Variants in LYN observed in about 807,000 individuals in gnomAD.
The protein encoded by LYN is tyrosine-protein kinase Lyn.
Under a neutral mutation model 65.0 loss-of-function variants are expected in LYN, and 12 were observed. The ratio of observed to expected loss-of-function variants is 0.18; its 90% CI spans 0.12 to 0.30. The LOEUF is 0.30. Ranked by LOEUF, LYN falls within the 10% of genes least tolerant of loss-of-function variation. The probability of loss-of-function intolerance (pLI) is 1.00; values close to 1 mark genes in which losing one functional copy is unlikely to be tolerated. For missense variants in LYN, 380 were observed against 623.2 expected, an observed-to-expected ratio of 0.61 and a Z score of 4.16; for synonymous variants, 222 against 221.2, an observed-to-expected ratio of 1.00 and a Z score of -0.03.
Position 55,904,884 on chromosome 8 carries a change from G to T in LYN, c.-6+24781G>T, listed in dbSNP as rs557867264. 3.9e-5 allele frequency among the ~76,000 whole-genome samples: 6 copies of T among 152,304 alleles called. No individual in the cohort carries two copies. In the East Asian group the frequency reaches 1.2e-3, roughly 29 times the overall value. ...TTACCCTTTTTCAAAAGCAGGTAAG[G>T]TTGTAGTGTAGAGTGTGGCTAGTGA... On this transcript the variant is annotated intron_variant, in intron 1 of 12. Transcript: ENST00000519728.
chr8:56,009,864 TA>T (rs2130604206), intron 12 of LYN, 43 bp from the exon 13 acceptor site: 1 of 1,557,788 alleles, frequency 6.4e-7, no homozygotes. Context: ...GCCAGGTTTC[TA>T]AACGGCATGG....
chr8:55,910,198 G>A (rs1282891563), intron 1 of LYN, among the ~76,000 whole-genome samples: 3 of 152,092 alleles, frequency 2.0e-5, no homozygotes, highest in Non-Finnish European at 4.4e-5. Flanking sequence ...TGCTTTTGAG[G>A]TCTTAGTCAT....
intron 10 of LYN, among the ~76,000 whole-genome samples, chr8:55,978,272 T>C (rs1807812334): frequency 6.6e-6 from 1 of 152,058 alleles, no homozygotes; most frequent in Admixed American, 6.5e-5. Flanking sequence ...CAAAAATGAT[T>C]AGAAGGGGTG....
chr8:56,008,130 AAAAT>A (rs1563332693), intron 12 of LYN, among the ~76,000 whole-genome samples: 3 of 133,694 alleles, frequency 2.2e-5, no homozygotes, highest in Non-Finnish European at 3.3e-5. Flanking sequence ...AAAAAAAAAT[AAAAT>A]AAAATAAAAT....
chr8:55,921,968 AGCTTACAGTAACAGAG>A (rs1025295602), intron 1 of LYN, among the ~76,000 whole-genome samples: 1 of 152,206 alleles, frequency 6.6e-6, no homozygotes, highest in South Asian at 2.1e-4. Flanking sequence ...GCTCTCATGG[AGCTTACAGTAACAGAG>A]GAGCGATGGA....
At chr8:55,966,568 GT>G (rs1208940493) in intron 8 of LYN, 146 bp from the exon 9 acceptor site, 4 of 604,984 alleles carry the variant, frequency 6.6e-6, no homozygotes, top group African/African-American at 1.9e-5. Context: ...GGGTTTCACT[GT>G]TTTAGCCAGG....
Position 55,882,232 on chromosome 8 carries a change from A to C in LYN, c.-6+2129A>C, listed in dbSNP as rs112045629. ...CAATCCAGAAGACCTACATTATTTT[A>C]GAGTCATTGGTGTTACAAAGGTAGG... On this transcript the variant is annotated intron_variant, in intron 1 of 12. Coordinates refer to ENST00000519728, the MANE Select transcript of LYN (RefSeq NM_002350.4). 5.0e-3 allele frequency among the ~76,000 whole-genome samples: 760 copies of C among 152,312 alleles called. 6 individuals carry two copies. Among genetic ancestry groups the C allele is most frequent in the African/African-American group, 0.017 (709 of 41,570 alleles).
intron 12 of LYN, among the ~76,000 whole-genome samples, chr8:56,003,864 C>T (rs534591421): frequency 6.8e-6 from 1 of 146,902 alleles, no homozygotes; most frequent in Non-Finnish European, 1.5e-5. Flanking sequence ...TATTAATTTT[C>T]TTCTTGATGA....
chr8:55,988,330 T>G (rs867850668), intron 10 of LYN, among the ~76,000 whole-genome samples: 1 of 94,734 alleles, frequency 1.1e-5, no homozygotes, highest in Non-Finnish European at 2.2e-5. Context: ...GTGTGTGTGT[T>G]TACATCCTAT....
In LYN at chr8:55,938,711, TATAAAA is replaced by T. The variant is rs1208549920; in HGVS notation, c.-5-3139_-5-3134del. 2.0e-5 allele frequency among the ~76,000 whole-genome samples: 3 copies of T among 152,226 alleles called. No homozygotes were observed. The East Asian group carries it at 5.8e-4, about 29-fold the overall frequency. ...TTTTTTCTCTGAGAAAGAGGTAGCCTATAAAAATAATCTCTTTGTTTGGCATTGTTA... is the reference window on the plus strand; with the variant it reads ...TTTTTTCTCTGAGAAAGAGGTAGCCTATAATCTCTTTGTTTGGCATTGTTA... On this transcript the variant is annotated intron_variant, in intron 1 of 12. Coordinates refer to ENST00000519728, the MANE Select transcript of LYN (RefSeq NM_002350.4).
In LYN at chr8:55,960,160, A is replaced by G. The variant is rs111635714; in HGVS notation, c.790+6176A>G. 5.6e-3 allele frequency among the ~76,000 whole-genome samples: 853 copies of G among 152,356 alleles called. 9 individuals are homozygous for G. The highest frequency in any genetic ancestry group is 0.019 in the African/African-American group (799 of 41,580). ...TATATACTTTAAATGGGTAAATGAC[A>G]TGGTATATGAATTATATTTCAATAA... On this transcript the variant is annotated intron_variant, in intron 8 of 12. Coordinates refer to ENST00000519728, the MANE Select transcript of LYN (RefSeq NM_002350.4).
intron 8 of LYN, among the ~76,000 whole-genome samples, chr8:55,965,188 G>A (rs963638151): frequency 1.3e-5 from 2 of 152,206 alleles, no homozygotes; most frequent in Non-Finnish European, 2.9e-5. Context: ...GTCCCAGAAG[G>A]GTGGTGCCTC....
intron 10 of LYN, among the ~76,000 whole-genome samples, chr8:55,997,250 T>G (rs1311867841): frequency 6.6e-6 from 1 of 152,096 alleles, no homozygotes; most frequent in African/African-American, 2.4e-5. Flanking sequence ...GGCTGTTGAT[T>G]AACCTGACAG....
At chr8:55,903,702 G>T (rs1805344053) in intron 1 of LYN, among the ~76,000 whole-genome samples, 1 of 152,108 alleles carries the variant, frequency 6.6e-6, no homozygotes, top group South Asian at 2.1e-4. Context: ...GATTAACCTG[G>T]CTATTATTCT....
In LYN at chr8:56,014,106, A is replaced by G. The variant is rs1325680759; in HGVS notation, c.*3996A>G. On this transcript the variant is annotated 3_prime_UTR_variant, in exon 13 of 13. Coordinates refer to ENST00000519728, the MANE Select transcript of LYN (RefSeq NM_002350.4). ...TGAGAGATCGGGAGCATTTAAAGCC[A>G]CAGAAGGAATAGATTGGCTTCGCTT... is the stretch of plus-strand genomic sequence containing the variant. 6.6e-6 allele frequency: 1 copy of G among 152,220 alleles called. No homozygotes were observed. Among genetic ancestry groups the G allele is most frequent in the East Asian group, 1.9e-4 (1 of 5,206 alleles). The allele number at this position is 152,220 out of a possible 1,614,324, so 9.4% of individuals were successfully genotyped here. A position where few individuals can be genotyped will look rare whatever the true frequency, so the allele number is the denominator to read the frequency against.
intron 8 of LYN, among the ~76,000 whole-genome samples, chr8:55,954,763 A>T (rs538570146): frequency 1.3e-5 from 2 of 152,162 alleles, no homozygotes; most frequent in South Asian, 4.1e-4. Flanking sequence ...TAAGCCAAGG[A>T]GGTCGAGGCT....
rs1455947979 is a variant in LYN, at chr8:55,967,852, A to G, written c.973+955A>G. 2.6e-5 allele frequency among the ~76,000 whole-genome samples: 4 copies of G among 152,208 alleles called. No individual in the cohort carries two copies. The East Asian group carries it at 7.7e-4, about 29-fold the overall frequency. On this transcript the variant is annotated intron_variant, in intron 9 of 12. Coordinates refer to ENST00000519728, the MANE Select transcript of LYN (RefSeq NM_002350.4). ...TTTGTTCACCTCCAGTTCAGGAAAC[A>G]TACTAATAAACTGCCAAATTATTTT...
intron 1 of LYN, among the ~76,000 whole-genome samples, chr8:55,911,198 C>CAT (rs1172571071): frequency 2.8e-4 from 2 of 7,040 alleles, no homozygotes; most frequent in African/African-American, 4.3e-4. Context: ...TACACACACA[C>CAT]ATATATATAT....
intron 1 of LYN, among the ~76,000 whole-genome samples, chr8:55,900,178 A>G (rs911542629): frequency 8.5e-5 from 13 of 152,156 alleles, no homozygotes; most frequent in Admixed American, 6.5e-5. Flanking sequence ...AATTTTTACT[A>G]TAACCATAGC....
Sources: allele counts gnomAD v4.1 joint callset (sites outside exome capture counted in the v4.1 genomes callset), GRCh38; gene constraint gnomAD v4.1.1; transcripts MANE v1.5; gene names NCBI Gene and HGNC (gene_info 2026-07-23, HGNC 2026-07-21).